The following KIRREL3 variants were observed in gnomAD, a reference collection of about 807,000 sequenced individuals.
The protein encoded by KIRREL3 is kirre like nephrin family adhesion molecule 3, also known as kin of IRRE-like protein 3.
In KIRREL3, 36 loss-of-function variants were observed where a neutral mutation model predicts 89.7. The observed-to-expected ratio is 0.40, with a 90% CI of 0.31 to 0.53. The LOEUF is 0.53. Ranked by LOEUF, KIRREL3 falls within the 20% of genes least tolerant of loss-of-function variation. The probability of loss-of-function intolerance (pLI) is 0.49; values close to 1 mark genes in which losing one functional copy is unlikely to be tolerated. For synonymous variants in KIRREL3, 445 were observed against 441.4 expected, an observed-to-expected ratio of 1.01 and a Z score of -0.10; for missense variants, 864 against 1,056.6, an observed-to-expected ratio of 0.82 and a Z score of 2.53.
In KIRREL3 at chr11:126,683,172, G is replaced by C. The variant is rs1946535431; in HGVS notation, c.56-120260C>G. On this transcript the variant is annotated intron_variant, in intron 1 of 16. Transcript: ENST00000525144. The surrounding 1 kb of genome is among the most constrained non-coding windows in gnomAD (Gnocchi z 5.2). ...CACCGGGTTACTTTGTTACTCTTTA[G>C]GGGTATTGGAAATATTAAGAAAATA... 6.6e-6 allele frequency among the ~76,000 whole-genome samples: 1 copy of C among 152,170 alleles called. No individual in the cohort carries two copies. Among genetic ancestry groups the C allele is most frequent in the Non-Finnish European group, 1.5e-5 (1 of 68,040 alleles).
rs1335386825 is a variant in KIRREL3 at position 126,905,156 on chromosome 11, G to C, written c.55+95299C>G. Among the ~76,000 whole-genome samples, 2 of 152,326 alleles carry C rather than the reference G, an allele frequency of 1.3e-5. No homozygotes were observed. Among genetic ancestry groups the C allele is most frequent in the Middle Eastern group, 3.4e-3 (1 of 294 alleles). Reference sequence around the variant, plus strand: ...ATACCACACAGCTCAGCTTGCAGAGGAGGAACGGGGCTTGATTCCATGGCT... The same window carrying C: ...ATACCACACAGCTCAGCTTGCAGAGCAGGAACGGGGCTTGATTCCATGGCT... On this transcript the variant is annotated intron_variant, in intron 1 of 16. Coordinates refer to ENST00000525144, the MANE Select transcript of KIRREL3 (RefSeq NM_032531.4). This position sits in a 1 kb window ranked among gnomAD's most constrained non-coding sequence, Gnocchi z 5.0.
intron 4 of KIRREL3, among the ~76,000 whole-genome samples, chr11:126,510,421 T>TTTCCTTCCTTCCTTCCTTCCTTCC (rs202158249): frequency 0.027 from 3,443 of 126,298 alleles, 125 homozygotes; most frequent in African/African-American, 0.041. Flanking sequence ...CCTGACGTTG[T>TTTCCTTCCTTCCTTCCTTCCTTCC]TTCCTTCCTT....
chr11:126,552,260 C>G (rs1939323363), intron 2 of KIRREL3, among the ~76,000 whole-genome samples: 1 of 151,964 alleles, frequency 6.6e-6, no homozygotes, highest in Non-Finnish European at 1.5e-5. Flanking sequence ...CAGCACTAGT[C>G]CAGCCAGTGC....
At position 126,983,279 on chromosome 11, in the gene KIRREL3, T is replaced by C. The variant is rs2135253411; in HGVS notation, c.55+17176A>G. On this transcript the variant is annotated intron_variant, in intron 1 of 16. Transcript: ENST00000525144. The surrounding 1 kb of genome is among the most constrained non-coding windows in gnomAD (Gnocchi z 4.9). ...GTCATTTTCTCTAACTTACAAGTAG[T>C]GAGGCTGAGGCACAGATTTCTTACA... 6.6e-6 allele frequency among the ~76,000 whole-genome samples: 1 copy of C among 152,240 alleles called. No individual in the cohort carries two copies. Among genetic ancestry groups the C allele is most frequent in the South Asian group, 2.1e-4 (1 of 4,818 alleles).
chr11:126,809,948 G>A (rs1199434985), intron 1 of KIRREL3, among the ~76,000 whole-genome samples: 2 of 152,134 alleles, frequency 1.3e-5, no homozygotes, highest in Non-Finnish European at 2.9e-5. Context: ...TGGGGGTCTA[G>A]GTGTGAAAAA....
At chr11:126,592,986 G>A (rs1377764480) in intron 1 of KIRREL3, among the ~76,000 whole-genome samples, 1 of 152,180 alleles carries the variant, frequency 6.6e-6, no homozygotes, top group Non-Finnish European at 1.5e-5. Flanking sequence ...AGGGGAGCAG[G>A]CACATGGTCC....
rs1486830593 is a variant in KIRREL3 at position 126,445,084 on chromosome 11, G to A, written c.1147C>T (p.Leu383=). ...TCCTGGCGCACGGATTTGAGGGTCA[G>A]GGTCTTCTCATTGCTCAGGACCTAG... is the stretch of plus-strand genomic sequence containing the variant. ...SGVVLSNEKT[L]TLKSVRQEDA... is the part of the protein sequence containing the mutation. Residue 383 remains leucine (L), a synonymous_variant, in exon 10 of 17, where the codon CTG becomes TTG. Transcript: ENST00000525144. 3 of 1,614,026 alleles carry A rather than the reference G, an allele frequency of 1.9e-6. No homozygotes were observed. The highest frequency in any genetic ancestry group is 2.5e-6 in the Non-Finnish European group (3 of 1,179,896).
upstream of KIRREL3, among the ~76,000 whole-genome samples, chr11:127,001,531 C>T (rs1177952264): frequency 6.6e-6 from 1 of 152,122 alleles, no homozygotes; most frequent in Admixed American, 6.5e-5. Flanking sequence ...CGCTCCATCA[C>T]TCTGAGCCTG....
chr11:126,465,430 G>A (rs1008286879), intron 5 of KIRREL3, among the ~76,000 whole-genome samples: 4 of 152,170 alleles, frequency 2.6e-5, no homozygotes, highest in African/African-American at 7.2e-5. Flanking sequence ...GGTGCTGGAC[G>A]GTGGGTACCG....
chr11:126,430,342 G>A lies in KIRREL3; in HGVS notation c.1697-1054C>T, dbSNP rs1158225194. 1.3e-5 allele frequency among the ~76,000 whole-genome samples: 2 copies of A among 152,120 alleles called. No individual in the cohort carries two copies. Among genetic ancestry groups the A allele is most frequent in the Admixed American group, 6.5e-5 (1 of 15,274 alleles). ...CGCCTGTAATCCCAGCGACTCAGGAGGCTTAGGCACGAGAATCGCTTGAAC... is the reference window on the plus strand; with the variant it reads ...CGCCTGTAATCCCAGCGACTCAGGAAGCTTAGGCACGAGAATCGCTTGAAC... On this transcript the variant is annotated intron_variant, in intron 14 of 16. Coordinates refer to ENST00000525144, the MANE Select transcript of KIRREL3 (RefSeq NM_032531.4). The surrounding 1 kb of genome is among the most constrained non-coding windows in gnomAD (Gnocchi z 6.6).
chr11:126,988,510 A>T (rs634171), intron 1 of KIRREL3: 34,181 of 152,624 alleles, frequency 0.22, 4,050 homozygotes, highest in African/African-American at 0.27. Context: ...TTTCAGAAAA[A>T]AGAATTTCAG....
chr11:126,459,727 T>C lies in KIRREL3; in HGVS notation c.743-3273A>G, dbSNP rs753767694. 6.6e-5 allele frequency among the ~76,000 whole-genome samples: 10 copies of C among 152,200 alleles called. No individual in the cohort carries two copies. Among genetic ancestry groups the C allele is most frequent in the Non-Finnish European group, 1.5e-4 (10 of 68,034 alleles). On this transcript the variant is annotated intron_variant, in intron 6 of 16. Coordinates refer to ENST00000525144, the MANE Select transcript of KIRREL3 (RefSeq NM_032531.4). The surrounding 1 kb of genome is among the most constrained non-coding windows in gnomAD (Gnocchi z 4.8). ...GTTTCCATCCGCCCGTGTGTGCGTG[T>C]GTCCATGTGTGTGTGTTTTCAGGGG...
At position 126,981,057 on chromosome 11, in the gene KIRREL3, C is replaced by A. The variant is rs1473067146; in HGVS notation, c.55+19398G>T. On this transcript the variant is annotated intron_variant, in intron 1 of 16. Coordinates refer to ENST00000525144, the MANE Select transcript of KIRREL3 (RefSeq NM_032531.4). The surrounding 1 kb of genome is among the most constrained non-coding windows in gnomAD (Gnocchi z 4.2). ...CTCTGTACCGTGGACTATCATTATTCAATTTAAATTGCTACAAAGTACTAT... is the reference window on the plus strand; with the variant it reads ...CTCTGTACCGTGGACTATCATTATTAAATTTAAATTGCTACAAAGTACTAT... Among the ~76,000 whole-genome samples the A allele has an allele frequency of 6.6e-6, 1 of 152,172 alleles. No homozygotes were observed. Among genetic ancestry groups the A allele is most frequent in the Non-Finnish European group, 1.5e-5 (1 of 68,024 alleles).
At chr11:126,718,792 AG>A (rs1035525010) in intron 1 of KIRREL3, among the ~76,000 whole-genome samples, 9 of 152,190 alleles carry the variant, frequency 5.9e-5, no homozygotes, top group African/African-American at 2.2e-4. Context: ...CAGAGCGGCT[AG>A]GGATTAGGGT....
chr11:126,542,755 C>A (rs145938602), intron 2 of KIRREL3, among the ~76,000 whole-genome samples: 1 of 152,262 alleles, frequency 6.6e-6, no homozygotes, highest in Non-Finnish European at 1.5e-5. Flanking sequence ...AAATAAGAAG[C>A]TGTGAAATGT....
chr11:126,442,280 A>C (rs1955600334), intron 10 of KIRREL3, among the ~76,000 whole-genome samples: 1 of 113,202 alleles, frequency 8.8e-6, no homozygotes, highest in South Asian at 2.8e-4. Context: ...AAACAAAAAA[A>C]AAACAAAAAA....
Position 126,424,559 on chromosome 11 carries a change from C to G in KIRREL3, c.*21G>C. ...GCCCTGACCTCTTCCCTGGCCCGTC[C>G]CCACCCGCGGTGTGTGATCCTTAGA... On this transcript the variant is annotated 3_prime_UTR_variant, in exon 17 of 17. Coordinates refer to ENST00000525144, the MANE Select transcript of KIRREL3 (RefSeq NM_032531.4). The G allele has an allele frequency of 6.2e-7, 1 of 1,610,568 alleles. No individual in the cohort carries two copies. The highest frequency in any genetic ancestry group is 8.5e-7 in the Non-Finnish European group (1 of 1,177,926).
chr11:126,803,293 G>A (rs534577263), intron 1 of KIRREL3, among the ~76,000 whole-genome samples: 1 of 152,258 alleles, frequency 6.6e-6, no homozygotes, highest in Admixed American at 6.5e-5. Context: ...CTGAAAATGA[G>A]GAACAGAGAT....
At position 126,577,950 on chromosome 11, in the gene KIRREL3, T is replaced by C. The variant is rs576353937; in HGVS notation, c.56-15038A>G. On this transcript the variant is annotated intron_variant, in intron 1 of 16. Coordinates refer to ENST00000525144, the MANE Select transcript of KIRREL3 (RefSeq NM_032531.4). ...GCTAAAGGATTCCCCCTTTAGCACC[T>C]TGGAGAAGTAGTCACACTGGTTTCC... Among the ~76,000 whole-genome samples, 4 of 152,262 alleles carry C rather than the reference T, an allele frequency of 2.6e-5. No individual in the cohort carries two copies. In the South Asian group the frequency reaches 8.3e-4, roughly 32 times the overall value.
Sources: allele counts gnomAD v4.1 joint callset (sites outside exome capture counted in the v4.1 genomes callset), GRCh38; gene constraint gnomAD v4.1.1; non-coding constraint Gnocchi (gnomAD v3.1); transcripts MANE v1.5; gene names NCBI Gene and HGNC (gene_info 2026-07-23, HGNC 2026-07-21).